The following KIF22 variants were observed in gnomAD, a reference collection of about 807,000 sequenced individuals.
The protein encoded by KIF22 is kinesin family member 22.
A neutral mutation model predicts 73.0 loss-of-function variants in KIF22; 62 were observed. The ratio of observed to expected loss-of-function variants is 0.85; its 90% CI spans 0.69 to 1.05. The LOEUF is 1.05. Ranked by LOEUF, KIF22 falls within the 50% of genes least tolerant of loss-of-function variation. The pLI is 0.00. For synonymous variants in KIF22, 411 were observed against 340.1 expected, an observed-to-expected ratio of 1.21 and a Z score of -2.29; for missense variants, 854 against 870.1, an observed-to-expected ratio of 0.98 and a Z score of 0.23.
At chr16:29,795,656 T>C (rs187643103) in intron 1 of KIF22, among the ~76,000 whole-genome samples, 1 of 152,340 alleles carries the variant, frequency 6.6e-6, no homozygotes, top group East Asian at 1.9e-4. Flanking sequence ...AATAGAGTAA[T>C]ACTCTCCTTA....
In KIF22 at chr16:29,798,313, TACACACAC is replaced by T. The variant is rs6145811; in HGVS notation, c.267-34_267-27del. ...CCCACCCCCACCCCACTCCACCCCT[TACACACAC>T]ACACACACACACACACACACACACA... On this transcript the variant is annotated intron_variant, in intron 2 of 13. Coordinates refer to ENST00000160827, the MANE Select transcript of KIF22 (RefSeq NM_007317.3). This position sits in a 1 kb window ranked among gnomAD's most constrained non-coding sequence, Gnocchi z 4.1. 2.8e-3 allele frequency: 3,432 copies of T among 1,227,932 alleles called. 2 individuals carry two copies. The highest frequency in any genetic ancestry group is 6.5e-3 in the East Asian group (166 of 25,530). The allele number at this position is 1,227,932 out of a possible 1,614,324, so 76.1% of individuals were successfully genotyped here. A position where few individuals can be genotyped will look rare whatever the true frequency, so the allele number is the denominator to read the frequency against.
Position 29,799,401 on chromosome 16 carries a change from C to G in KIF22, c.897C>G (p.Thr299=). The G allele has an allele frequency of 6.2e-7, 1 of 1,614,244 alleles. No homozygotes were observed. The highest frequency in any genetic ancestry group is 8.5e-7 in the Non-Finnish European group (1 of 1,180,050). The part of the protein sequence containing the change: ...LRLKESGAIN[T]SLFVLGKVVD... ...TAAAAGAGAGTGGAGCCATCAACACCTCCCTGTTTGTCCTGGGCAAAGTGG... is the reference window on the plus strand; with the variant it reads ...TAAAAGAGAGTGGAGCCATCAACACGTCCCTGTTTGTCCTGGGCAAAGTGG... Residue 299 remains threonine, a synonymous_variant, in exon 6 of 14, where the codon ACC becomes ACG. Transcript: ENST00000160827.
intron 8 of KIF22, among the ~76,000 whole-genome samples, chr16:29,801,567 G>C (rs1899139183): frequency 6.6e-6 from 1 of 152,184 alleles, no homozygotes; most frequent in Admixed American, 6.5e-5. Flanking sequence ...TAAGCTGTCA[G>C]ACAGGCACTC....
At chr16:29,803,816 G>A (rs1227048497) in intron 10 of KIF22, among the ~76,000 whole-genome samples, 182 bp from the exon 11 acceptor site, 2 of 152,204 alleles carry the variant, frequency 1.3e-5, no homozygotes, top group African/African-American at 2.4e-5. Flanking sequence ...GAGGATTGAA[G>A]ATAATGCAAG....
intron 1 of KIF22, chr16:29,791,051 G>C (rs1898800303): frequency 7.1e-7 from 1 of 1,411,466 alleles, no homozygotes; most frequent in African/African-American, 1.5e-5. Context: ...CAGTAGACTC[G>C]GGTCTCCGGT....
intron 8 of KIF22, among the ~76,000 whole-genome samples, chr16:29,802,554 T>C (rs1296022984): frequency 6.6e-6 from 1 of 152,162 alleles, no homozygotes; most frequent in African/African-American, 2.4e-5. Context: ...CTCTCATACC[T>C]GGCACTCAAG....
chr16:29,796,528 G>A (rs1419651500), intron 1 of KIF22, among the ~76,000 whole-genome samples: 1 of 151,668 alleles, frequency 6.6e-6, no homozygotes, highest in Admixed American at 6.6e-5. Flanking sequence ...GGGTAACCTA[G>A]TGAGACTCCA....
In KIF22 at chr16:29,790,814, G is replaced by C; in HGVS notation, c.55G>C (p.Ala19Pro). The stretch of plus-strand genomic sequence containing the variant: ...GCGACGCGAGATGGCGGCAGCTTCA[G>C]CGGCGGCGATCTCAGGTACTTGAGC... The part of the protein sequence containing the change: ...QRRREMAAAS[A>P]AAISGAGRCR... The change falls in exon 1 of 14, where the codon GCG becomes CCG. Residue 19 changes from alanine (A) to proline (P), a missense_variant. By Grantham distance (27) the Ala-to-Pro change is conservative. This residue lies in a region of KIF22 where 186 missense variants were observed against 152.9 expected (regional missense o/e 1.22). Coordinates refer to ENST00000160827, the MANE Select transcript of KIF22 (RefSeq NM_007317.3). 2 of 1,602,870 alleles carry C rather than the reference G, an allele frequency of 1.2e-6. No homozygotes were observed. Among genetic ancestry groups the C allele is most frequent in the Non-Finnish European group, 1.7e-6 (2 of 1,174,878 alleles).
intron 1 of KIF22, 36 bp downstream of exon 1, chr16:29,790,865 C>T (rs1199742356): frequency 2.5e-6 from 4 of 1,576,556 alleles, no homozygotes; most frequent in East Asian, 2.3e-5. Flanking sequence ...CGGGTACCGA[C>T]GTCTGGAGTT....
At chr16:29,796,282 A>AAAAC (rs1555499049) in intron 1 of KIF22, among the ~76,000 whole-genome samples, 3 of 149,162 alleles carry the variant, frequency 2.0e-5, no homozygotes, top group Non-Finnish European at 4.4e-5. Context: ...AAAAAAAAAA[A>AAAAC]AAACACACAC....
Position 29,800,065 on chromosome 16 carries a change from T to G in KIF22, c.1280+17T>G, listed in dbSNP as rs527734659. 8.0e-5 allele frequency: 128 copies of G among 1,603,558 alleles called. No homozygotes were observed. In the South Asian group the frequency reaches 9.5e-4, roughly 12 times the overall value. ...GAAACTCAGGTGAGCAGTGGGGCCT[T>G]GGGTGTATCCCCTTCCTGATGTATG... On this transcript the variant is annotated intron_variant, in intron 8 of 13. Coordinates refer to ENST00000160827, the MANE Select transcript of KIF22 (RefSeq NM_007317.3).
intron 1 of KIF22, among the ~76,000 whole-genome samples, chr16:29,793,596 A>G (rs757142404): frequency 6.6e-6 from 1 of 152,112 alleles, no homozygotes; most frequent in Non-Finnish European, 1.5e-5. Flanking sequence ...GCTCGGGGCA[A>G]CTTTGTCCCT....
intron 1 of KIF22, 40 bp downstream of exon 1, chr16:29,790,869 TG>T (rs1898793314): frequency 6.4e-7 from 1 of 1,570,416 alleles, no homozygotes; most frequent in African/African-American, 1.4e-5. Flanking sequence ...TACCGACGTC[TG>T]GAGTTTAGTG....
At chr16:29,803,039 GTTTTCT>G in intron 9 of KIF22, 102 bp downstream of exon 9, 1 of 1,193,428 alleles carries the variant, frequency 8.4e-7, no homozygotes, top group South Asian at 1.4e-5. Context: ...CTAGAGTCCA[GTTTTCT>G]CCCAATACCG....
Position 29,798,287 on chromosome 16 carries a change from A to AAC in KIF22, c.267-87_267-86insAC. 1.2e-5 allele frequency: 7 copies of AAC among 590,648 alleles called. No homozygotes were observed. The highest frequency in any genetic ancestry group is 2.0e-5 in the Non-Finnish European group (7 of 343,578). 36.6% of individuals were successfully genotyped at this position (590,648 alleles called of 1,614,324 possible). A position where few individuals can be genotyped will look rare whatever the true frequency, so the allele number is the denominator to read the frequency against. On this transcript the variant is annotated intron_variant, in intron 2 of 13. Coordinates refer to ENST00000160827, the MANE Select transcript of KIF22 (RefSeq NM_007317.3). This position sits in a 1 kb window ranked among gnomAD's most constrained non-coding sequence, Gnocchi z 4.1. ...GGTCCAGATGAGAGTAGAATCCCTT[A>AAC]CCCACCCCCACCCCACTCCACCCCT...
In KIF22 at chr16:29,799,316, A is replaced by G; in HGVS notation, c.812A>G (p.Tyr271Cys). ...TTTCGCCAGCGAGAGGGAAAACTCT[A>G]CCTGATTGACTTGGCTGGGTCAGAG... The part of the protein sequence containing the change: ...APFRQREGKL[Y>C]LIDLAGSEDN... Residue 271 changes from tyrosine to cysteine, a missense_variant, in exon 6 of 14, where the codon TAC becomes TGC. By Grantham distance (194) the Tyr-to-Cys change is radical (BLOSUM62 -2). Around this residue, in one of 3 missense-constraint regions of KIF22, gnomAD observed 245 missense variants for 351.8 expected, o/e 0.70. Transcript: ENST00000160827. 6.2e-7 allele frequency: 1 copy of G among 1,614,138 alleles called. No individual in the cohort carries two copies. The highest frequency in any genetic ancestry group is 8.5e-7 in the Non-Finnish European group (1 of 1,180,024).
Position 29,798,835 on chromosome 16 carries a change from G to A in KIF22, c.549+88G>A, listed in dbSNP as rs1899026168. 6.4e-7 allele frequency: 1 copy of A among 1,559,982 alleles called. No individual in the cohort carries two copies. The highest frequency in any genetic ancestry group is 1.8e-5 in the Admixed American group (1 of 55,570). ...ACATGAAGCTCTGCTGTAGCAGGGA[G>A]GTAAGGTGAGACCTAGAAAGACAGA... On this transcript the variant is annotated intron_variant, in intron 4 of 13. Transcript: ENST00000160827. This position sits in a 1 kb window ranked among gnomAD's most constrained non-coding sequence, Gnocchi z 4.1.
chr16:29,792,444 A>C (rs1195183448), intron 1 of KIF22: 1 of 981,850 alleles, frequency 1.0e-6, no homozygotes. Context: ...TAGTTTATTC[A>C]CTAAATCTTA....
At position 29,798,429 on chromosome 16, in the gene KIF22, G is replaced by T. The variant is rs1899012134; in HGVS notation, c.322G>T (p.Val108Leu). ...TCAGCAGGACATCTATGCAGGTTCA[G>T]TGCAGCCCATCCTAAGGCACTTGCT... The part of the protein sequence containing the change: ...STQQDIYAGS[V>L]QPILRHLLEG... The change falls in exon 3 of 14, where the codon GTG becomes TTG. Residue 108 changes from valine to leucine, a missense_variant. Coordinates refer to ENST00000160827, the MANE Select transcript of KIF22 (RefSeq NM_007317.3). This position sits in a 1 kb window ranked among gnomAD's most constrained non-coding sequence, Gnocchi z 4.1. 6.2e-6 allele frequency: 10 copies of T among 1,613,934 alleles called. No individual in the cohort carries two copies. Among genetic ancestry groups the T allele is most frequent in the Non-Finnish European group, 7.6e-6 (9 of 1,180,012 alleles).
Sources: gnomAD v4.1 joint callset for allele counts (sites outside exome capture counted in the v4.1 genomes callset) on GRCh38, gnomAD v4.1.1 for gene constraint, gnomAD v4.1.1 regional missense constraint, Gnocchi (gnomAD v3.1) non-coding constraint, MANE v1.5 for transcripts, NCBI Gene and HGNC (gene_info 2026-07-23, HGNC 2026-07-21) for gene names.